The following FOXP2 variants were observed in gnomAD, a reference collection of about 807,000 sequenced individuals.
FOXP2 encodes forkhead box P2, also known as forkhead box protein P2.
A neutral mutation model predicts 115.8 loss-of-function variants in FOXP2; 12 were observed. The ratio of observed to expected loss-of-function variants is 0.10; its 90% confidence interval spans 0.07 to 0.17. The LOEUF is 0.17. FOXP2 is among the 10% of genes least tolerant of loss of function. The pLI, the probability that FOXP2 is intolerant of heterozygous loss-of-function variation, is 1.00. For missense variants in FOXP2, 629 were observed against 843.5 expected, an observed-to-expected ratio of 0.75 and a Z score of 3.15; for synonymous variants, 328 against 297.7, an observed-to-expected ratio of 1.10 and a Z score of -1.05.
chr7:114,346,003 G>A (rs1014538736), intron 2 of FOXP2, among the ~76,000 whole-genome samples: 16 of 151,610 alleles, frequency 1.1e-4, no homozygotes, highest in Non-Finnish European at 1.8e-4. Flanking sequence ...TTCACAAACA[G>A]CAATTTACAT....
At chr7:114,429,402 C>G (rs1038995990) in intron 2 of FOXP2, among the ~76,000 whole-genome samples, 1 of 151,330 alleles carries the variant, frequency 6.6e-6, no homozygotes, top group African/African-American at 2.4e-5. Context: ...AAAGCCTTTT[C>G]TGGATGAATT....
At chr7:114,252,141 T>C (rs1051200073) in intron 1 of FOXP2, among the ~76,000 whole-genome samples, 2 of 152,162 alleles carry the variant, frequency 1.3e-5, no homozygotes, top group Admixed American at 6.5e-5. Flanking sequence ...GGGATGAAGC[T>C]CTCTTGATCA....
chr7:114,592,299 T>G (rs376452344), intron 3 of FOXP2, among the ~76,000 whole-genome samples: 23 of 152,052 alleles, frequency 1.5e-4, no homozygotes, highest in African/African-American at 5.1e-4. Context: ...TATTTTTACT[T>G]TATTATTTTG....
At chr7:114,309,239 C>G (rs1013657504) in intron 2 of FOXP2, among the ~76,000 whole-genome samples, 3 of 152,178 alleles carry the variant, frequency 2.0e-5, no homozygotes, top group African/African-American at 7.2e-5. Flanking sequence ...GCAGTTGTCA[C>G]TTGGCTCTCT....
intron 1 of FOXP2, among the ~76,000 whole-genome samples, chr7:114,272,037 A>C (rs1472093287): frequency 7.1e-6 from 1 of 140,320 alleles, no homozygotes; most frequent in Non-Finnish European, 1.5e-5. Context: ...TAATAATATA[A>C]TATAAATATG....
intron 16 of FOXP2, among the ~76,000 whole-genome samples, chr7:114,679,952 C>T (rs563897183): frequency 1.3e-5 from 2 of 152,138 alleles, no homozygotes; most frequent in Non-Finnish European, 2.9e-5. Context: ...TCCATGCAGC[C>T]CCTATCCCAG....
chr7:114,118,712 G>C (rs1340643599), intron 1 of FOXP2, among the ~76,000 whole-genome samples: 2 of 151,968 alleles, frequency 1.3e-5, no homozygotes, highest in East Asian at 3.9e-4. Flanking sequence ...GGATGCCAGC[G>C]ACCCCAAGAT....
chr7:114,296,297 A>C (rs1031638485), intron 2 of FOXP2, among the ~76,000 whole-genome samples: 1 of 152,198 alleles, frequency 6.6e-6, no homozygotes, highest in Non-Finnish European at 1.5e-5. Context: ...TAAGTGTATG[A>C]ATCAGTAGTC....
intron 2 of FOXP2, among the ~76,000 whole-genome samples, chr7:114,509,428 T>C (rs2129260038): frequency 6.6e-6 from 1 of 152,010 alleles, no homozygotes; most frequent in Admixed American, 6.6e-5. Flanking sequence ...AAGAGAAAGG[T>C]ATTATGAAAG....
At chr7:114,464,234 G>A (rs1432342821) in intron 2 of FOXP2, among the ~76,000 whole-genome samples, 1 of 152,092 alleles carries the variant, frequency 6.6e-6, no homozygotes, top group African/African-American at 2.4e-5. Flanking sequence ...TAAACAGAAA[G>A]GAGAGAGGGA....
rs183341081 is a variant in FOXP2 at position 114,244,450 on chromosome 7, G to A, written c.-101-43569G>A. ...ACCCTCTTACCCCCAAAATTGTTTT[G>A]AGAATATCTGTAATTTTCAACTAAG... On this transcript the variant is annotated intron_variant, in intron 1 of 17. Coordinates refer to the FOXP2 transcript ENST00000634411. Among the ~76,000 whole-genome samples the A allele has an allele frequency of 3.8e-3, 578 of 152,142 alleles. 6 individuals carry two copies. The highest frequency in any genetic ancestry group is 0.013 in the African/African-American group (559 of 41,516).
chr7:114,475,379 A>C (rs974766921), intron 2 of FOXP2, among the ~76,000 whole-genome samples: 2 of 152,046 alleles, frequency 1.3e-5, no homozygotes, highest in African/African-American at 2.4e-5. Context: ...AAAATTGCAA[A>C]TTTGTGAATC....
intron 2 of FOXP2, among the ~76,000 whole-genome samples, chr7:114,524,993 CA>C (rs1798794173): frequency 6.6e-6 from 1 of 152,050 alleles, no homozygotes; most frequent in South Asian, 2.1e-4. Context: ...TACAACTTTT[CA>C]AAATATCATA....
intron 1 of FOXP2, among the ~76,000 whole-genome samples, chr7:114,273,808 T>G (rs1796120761): frequency 6.6e-6 from 1 of 152,106 alleles, no homozygotes; most frequent in Non-Finnish European, 1.5e-5. Flanking sequence ...CCATTTACTT[T>G]TAATCTATAT....
intron 1 of FOXP2, among the ~76,000 whole-genome samples, chr7:114,237,889 T>C (rs918196335): frequency 6.6e-6 from 1 of 152,054 alleles, no homozygotes; most frequent in Non-Finnish European, 1.5e-5. Context: ...GCACAAGAAT[T>C]GCTTGAACCC....
chr7:114,176,487 G>A (rs200631665), intron 1 of FOXP2, among the ~76,000 whole-genome samples: 11 of 151,420 alleles, frequency 7.3e-5, no homozygotes, highest in African/African-American at 2.2e-4. Flanking sequence ...CTACAGGCGC[G>A]CACCACCACG....
At chr7:114,601,367 A>C (rs1160565316) in intron 3 of FOXP2, among the ~76,000 whole-genome samples, 1 of 152,204 alleles carries the variant, frequency 6.6e-6, no homozygotes, top group Non-Finnish European at 1.5e-5. Flanking sequence ...TAGTATCTAA[A>C]AATTCATTGT....
intron 2 of FOXP2, among the ~76,000 whole-genome samples, chr7:114,501,878 A>G (rs550157208): frequency 9.7e-4 from 148 of 152,212 alleles, no homozygotes; most frequent in African/African-American, 3.4e-3. Context: ...CATTTATATA[A>G]CAGTCTTAGG....
chr7:114,631,392 C>T (rs1281309314), intron 5 of FOXP2, 136 bp from the exon 6 acceptor site: 97 of 1,421,574 alleles, frequency 6.8e-5, no homozygotes, highest in Non-Finnish European at 9.1e-5. Flanking sequence ...TACTCACATT[C>T]TGCCCCTGAA....
Sources: allele counts gnomAD v4.1 joint callset (sites outside exome capture counted in the v4.1 genomes callset), GRCh38; gene constraint gnomAD v4.1.1; transcripts MANE v1.5; gene names NCBI Gene and HGNC (gene_info 2026-07-23, HGNC 2026-07-21).